GXYLT1: variants seen among roughly 807,000 people sequenced by gnomAD.
GXYLT1 encodes the protein glycosyltransferase 8 domain containing 3.
Under a neutral mutation model 54.0 loss-of-function variants are expected in GXYLT1, and 29 were observed. The ratio of observed to expected loss-of-function variants is 0.54; its 90% confidence interval spans 0.40 to 0.73. The LOEUF (loss-of-function observed/expected upper bound fraction) is 0.73. Ranked by LOEUF, GXYLT1 falls within the 30% of genes least tolerant of loss-of-function variation. The pLI is 0.00. For synonymous variants in GXYLT1, 176 were observed against 204.1 expected (o/e 0.86, Z 1.17); for missense variants, 490 against 553.4 (o/e 0.89, Z 1.15).
intron 5 of GXYLT1, among the ~76,000 whole-genome samples, chr12:42,102,874 TA>T (rs1479625982): frequency 2.0e-5 from 3 of 151,978 alleles, no homozygotes; most frequent in African/African-American, 7.2e-5. Flanking sequence ...TTATGATTTT[TA>T]AAAAGTTGTA....
intron 3 of GXYLT1, among the ~76,000 whole-genome samples, chr12:42,112,122 T>A (rs1366970517): frequency 6.6e-6 from 1 of 151,968 alleles, no homozygotes. Context: ...AGAAAGGACA[T>A]CCACACCAAA....
chr12:42,109,967 G>A (rs1039828841), intron 3 of GXYLT1, among the ~76,000 whole-genome samples: 15 of 152,096 alleles, frequency 9.9e-5, no homozygotes, highest in African/African-American at 2.7e-4. Flanking sequence ...AAAGACCCTC[G>A]CAAGTTTGTC....
At chr12:42,095,033 T>A (rs920155171) in intron 7 of GXYLT1, among the ~76,000 whole-genome samples, 4 of 152,160 alleles carry the variant, frequency 2.6e-5, no homozygotes, top group Non-Finnish European at 5.9e-5. Context: ...ATAAAAATAT[T>A]TCATAAATAT....
chr12:42,134,859 T>G (rs1407264127), intron 1 of GXYLT1, among the ~76,000 whole-genome samples: 1 of 152,228 alleles, frequency 6.6e-6, no homozygotes, highest in Non-Finnish European at 1.5e-5. Flanking sequence ...TGCTTCCCCT[T>G]GTTGCCCATC....
intron 5 of GXYLT1, among the ~76,000 whole-genome samples, chr12:42,102,304 G>A (rs573278574): frequency 3.3e-5 from 5 of 152,318 alleles, no homozygotes; most frequent in African/African-American, 1.2e-4. Flanking sequence ...TTGGCAAGAT[G>A]TTCGTTGTTG....
intron 3 of GXYLT1, among the ~76,000 whole-genome samples, chr12:42,118,655 AGATGACTC>A (rs1321505889): frequency 4.6e-5 from 7 of 152,334 alleles, no homozygotes; most frequent in Non-Finnish European, 7.4e-5. Context: ...ACCTAGTGGG[AGATGACTC>A]GATCATGGGG....
chr12:42,097,465 C>T lies in GXYLT1; in HGVS notation c.1138G>A (p.Ala380Thr), dbSNP rs1290205239. ...ACATTTCTCAGTGCTTCATAAACAG[C>T]TCTAAATGCTGGTTGCTTATCGTCA... ...YHDDKQPAFR[A>T]VYEALRNCSF... Residue 380 changes from alanine (A) to threonine (T), a missense_variant, in exon 7 of 8, where the codon GCT becomes ACT. This residue lies in a region of GXYLT1 where 342 missense variants were observed against 342.6 expected (regional missense o/e 1.00). Coordinates refer to ENST00000398675, the MANE Select transcript of GXYLT1 (RefSeq NM_173601.2). The T allele has an allele frequency of 6.3e-7, 1 of 1,593,854 alleles. No homozygotes were observed. Among genetic ancestry groups the T allele is most frequent in the South Asian group, 1.1e-5 (1 of 86,976 alleles).
chr12:42,091,164 A>G (rs1045729956), intron 7 of GXYLT1, among the ~76,000 whole-genome samples: 1 of 152,230 alleles, frequency 6.6e-6, no homozygotes, highest in African/African-American at 2.4e-5. Flanking sequence ...ACTAAGCAGG[A>G]GCATCATAAA....
chr12:42,133,487 G>C (rs530843413), intron 1 of GXYLT1, among the ~76,000 whole-genome samples: 19 of 152,246 alleles, frequency 1.2e-4, no homozygotes, highest in Non-Finnish European at 2.2e-4. Flanking sequence ...ACATGCAGAA[G>C]CCACTTGAGA....
chr12:42,143,658 G>A (rs1025474934), intron 1 of GXYLT1, among the ~76,000 whole-genome samples: 2 of 152,174 alleles, frequency 1.3e-5, no homozygotes, highest in Non-Finnish European at 2.9e-5. Flanking sequence ...CAGATTTCAA[G>A]CATTCATAAT....
At chr12:42,131,780 T>C (rs1208604014) in intron 1 of GXYLT1, among the ~76,000 whole-genome samples, 2 of 152,212 alleles carry the variant, frequency 1.3e-5, no homozygotes, top group South Asian at 2.1e-4. Context: ...GACTCATTGA[T>C]GGTAATAACA....
At position 42,115,572 on chromosome 12, in the gene GXYLT1, AG is replaced by A. The variant is rs932165377; in HGVS notation, c.486+3427del. On this transcript the variant is annotated intron_variant, in intron 3 of 7. Coordinates refer to ENST00000398675, the MANE Select transcript of GXYLT1 (RefSeq NM_173601.2). ...AAAATACCTAGGAATCCAACTTACA[AG>A]GGATGTGAAGGACCTCTTCAAGGAC... Among the ~76,000 whole-genome samples the A allele has an allele frequency of 1.4e-3, 210 of 152,316 alleles. 1 individual carries two copies. Among genetic ancestry groups the A allele is most frequent in the African/African-American group, 4.8e-3 (199 of 41,568 alleles).
At chr12:42,111,563 G>C (rs1480056912) in intron 3 of GXYLT1, among the ~76,000 whole-genome samples, 2 of 152,232 alleles carry the variant, frequency 1.3e-5, no homozygotes, top group African/African-American at 4.8e-5. Context: ...AAACTGCAAG[G>C]CGACAGCCAG....
intron 3 of GXYLT1, among the ~76,000 whole-genome samples, chr12:42,115,011 T>A (rs886573692): frequency 6.6e-6 from 1 of 152,078 alleles, no homozygotes; most frequent in Non-Finnish European, 1.5e-5. Flanking sequence ...AGCATATAAA[T>A]AGAACCAAAG....
chr12:42,144,224 CAG>C (rs930400875), intron 1 of GXYLT1, among the ~76,000 whole-genome samples, 200 bp downstream of exon 1: 6 of 152,230 alleles, frequency 3.9e-5, no homozygotes, highest in African/African-American at 1.4e-4. Flanking sequence ...AAGATAAACA[CAG>C]AAAGTGTAGG....
At chr12:42,138,959 A>G (rs1413639502) in intron 1 of GXYLT1, among the ~76,000 whole-genome samples, 1 of 151,212 alleles carries the variant, frequency 6.6e-6, no homozygotes, top group African/African-American at 2.4e-5. Flanking sequence ...AACTGCTTGA[A>G]CCCGGGAGGC....
chr12:42,115,998 T>C (rs995169796), intron 3 of GXYLT1, among the ~76,000 whole-genome samples: 2 of 151,410 alleles, frequency 1.3e-5, no homozygotes, highest in Non-Finnish European at 2.9e-5. Context: ...TATCTGATCT[T>C]TGAGAAACCT....
intron 7 of GXYLT1, among the ~76,000 whole-genome samples, chr12:42,091,212 T>G (rs888047789): frequency 1.8e-4 from 28 of 152,232 alleles, no homozygotes; most frequent in Non-Finnish European, 3.5e-4. Flanking sequence ...AATGAATAAA[T>G]GTAAGCTGTA....
At chr12:42,115,340 T>G (rs2065487140) in intron 3 of GXYLT1, among the ~76,000 whole-genome samples, 1 of 152,192 alleles carries the variant, frequency 6.6e-6, no homozygotes, top group African/African-American at 2.4e-5. Flanking sequence ...GAAGTCAAAT[T>G]GTTCCTGTTT....
Sources: allele counts gnomAD v4.1 joint callset (sites outside exome capture counted in the v4.1 genomes callset), GRCh38; gene constraint gnomAD v4.1.1; regional missense constraint gnomAD v4.1.1; transcripts MANE v1.5; gene names NCBI Gene and HGNC (gene_info 2026-07-23, HGNC 2026-07-21).